The following OR2AT4 variants were observed in gnomAD, a reference collection of about 807,000 sequenced individuals.
The protein encoded by OR2AT4 is olfactory receptor 2AT4.
A neutral mutation model predicts 10.3 loss-of-function variants in OR2AT4; 6 were observed. The observed-to-expected ratio is 0.58, with a 90% CI of 0.32 to 1.15. OR2AT4 has a LOEUF of 1.15. Among genes scored for constraint, OR2AT4 ranks in the 50% most tolerant of loss-of-function variants. The probability of loss-of-function intolerance (pLI) is 0.05; values close to 1 mark genes in which losing one functional copy is unlikely to be tolerated. For missense variants in OR2AT4, 354 were observed against 393.8 expected, an observed-to-expected ratio of 0.90 and a Z score of 0.85; for synonymous variants, 145 against 159.1, an observed-to-expected ratio of 0.91 and a Z score of 0.67.
At chr11:75,095,963 CTTTATTATATAG>C (rs1799535851) in intron 1 of OR2AT4, 1 of 152,234 alleles carries the variant, frequency 6.6e-6, no homozygotes, top group South Asian at 2.1e-4. Context: ...CACCTAACCT[CTTTATTATATAG>C]ATGGGGACAG....
exon 2 of OR2AT4, chr11:75,088,480 T>C (rs1354136986): frequency 3.7e-6 from 1 of 269,498 alleles, no homozygotes; most frequent in African/African-American, 2.2e-5. Flanking sequence ...TATTTCAATC[T>C]TCTACATTCT....
At chr11:75,092,798 A>G (rs2140280341) in intron 1 of OR2AT4, among the ~76,000 whole-genome samples, 1 of 151,678 alleles carries the variant, frequency 6.6e-6, no homozygotes, top group African/African-American at 2.4e-5. Flanking sequence ...AATGAAAAAT[A>G]AGATTAAAAA....
exon 2 of OR2AT4, chr11:75,089,318 G>A: frequency 1.2e-6 from 2 of 1,614,218 alleles, no homozygotes; most frequent in Non-Finnish European, 8.5e-7. Flanking sequence ...GCAGTGGGTG[G>A]CAGATAGCCA....
chr11:75,091,112 TC>T (rs1398446768), intron 1 of OR2AT4, among the ~76,000 whole-genome samples: 1 of 152,172 alleles, frequency 6.6e-6, no homozygotes, highest in Non-Finnish European at 1.5e-5. Flanking sequence ...GAACTGAAAC[TC>T]AGCCCTAACC....
chr11:75,093,353 T>A (rs1469126295), intron 1 of OR2AT4, among the ~76,000 whole-genome samples: 1 of 152,232 alleles, frequency 6.6e-6, no homozygotes, highest in Non-Finnish European at 1.5e-5. Context: ...TAGCCCCAGA[T>A]AAGACAGTAC....
chr11:75,092,588 G>A (rs1340797164), intron 1 of OR2AT4, among the ~76,000 whole-genome samples: 4 of 152,098 alleles, frequency 2.6e-5, no homozygotes, highest in Non-Finnish European at 5.9e-5. Flanking sequence ...TACCCCCAAT[G>A]TAGCTATTGT....
exon 2 of OR2AT4, chr11:75,089,375 T>C (rs1427893099): frequency 8.1e-6 from 13 of 1,614,148 alleles, no homozygotes; most frequent in South Asian, 2.2e-5. Context: ...CTTCTGAACA[T>C]GTAAAACTTT....
chr11:75,083,982 A>G, exon 2 of OR2AT4: 2 of 152,864 alleles, frequency 1.3e-5, no homozygotes, highest in East Asian at 1.9e-4. Flanking sequence ...AAAAAAAAAA[A>G]AGAAAAAAAA....
At chr11:75,094,019 C>T (rs1289846907) in intron 1 of OR2AT4, among the ~76,000 whole-genome samples, 1 of 151,674 alleles carries the variant, frequency 6.6e-6, no homozygotes, top group African/African-American at 2.4e-5. Flanking sequence ...GACGGGGTTT[C>T]ACCATGTTGG....
chr11:75,095,229 G>C (rs773243868), intron 1 of OR2AT4, among the ~76,000 whole-genome samples: 2 of 152,206 alleles, frequency 1.3e-5, no homozygotes, highest in Non-Finnish European at 2.9e-5. Flanking sequence ...AGTCTTTGTA[G>C]GATGTTTCAT....
exon 2 of OR2AT4, chr11:75,085,120 A>C (rs2140278004): frequency 6.6e-6 from 1 of 152,192 alleles, no homozygotes; most frequent in African/African-American, 2.4e-5. Flanking sequence ...AAATTGGTAA[A>C]CCTATAGCTA....
exon 2 of OR2AT4, chr11:75,086,594 T>C (rs775039924): frequency 2.0e-5 from 3 of 152,128 alleles, no homozygotes; most frequent in Non-Finnish European, 2.9e-5. Context: ...GTCAACACAA[T>C]TAGTCATAGG....
At position 75,082,736 on chromosome 11, in the gene OR2AT4, A is replaced by G. The variant is rs549701299; in HGVS notation, c.*6015T>C. On this transcript the variant is annotated 3_prime_UTR_variant, in exon 2 of 2. Transcript: ENST00000641504. ...TAATTAAACTAAACAGTTTCTGCAC[A>G]GCGAAAGAAACTATCAAAAGAGTAA... 3 of 152,338 alleles carry G rather than the reference A, an allele frequency of 2.0e-5. No individual in the cohort carries two copies. In the East Asian group the frequency reaches 5.8e-4, roughly 29 times the overall value. The allele number at this position is 152,338 out of a possible 1,614,324, so 9.4% of individuals were successfully genotyped here.
At chr11:75,089,105 C>T in exon 2 of OR2AT4, 3 of 1,613,872 alleles carry the variant, frequency 1.9e-6, no homozygotes, top group Non-Finnish European at 2.5e-6. Flanking sequence ...TGCAGAAGCC[C>T]ATGAGGGTCT....
At chr11:75,089,392 G>A (rs139499548) in exon 2 of OR2AT4, 3 of 1,613,988 alleles carry the variant, frequency 1.9e-6, no homozygotes, top group Non-Finnish European at 2.5e-6. Context: ...CTTTGGAAGA[G>A]GTACATCTGC....
At chr11:75,082,382 A>G (rs570593791) in exon 2 of OR2AT4, 3 of 152,256 alleles carry the variant, frequency 2.0e-5, no homozygotes, top group African/African-American at 2.4e-5. Flanking sequence ...GCACACCAAC[A>G]TGGCACACGT....
chr11:75,089,669 G>T lies in OR2AT4; in HGVS notation c.45C>A (p.Val15=), dbSNP rs368573856. The T allele has an allele frequency of 5.8e-5, 93 of 1,613,668 alleles. 1 individual carries two copies. In the Middle Eastern group the frequency reaches 8.4e-4, roughly 15 times the overall value. Residue 15 remains valine (V), a synonymous_variant, in exon 2 of 2, where the codon GTC becomes GTA. Transcript: ENST00000641504. Reference sequence around the variant, plus strand: ...GAGAGGGGATGCCCAATAGATAGAAGACGGGTGAGCCATCCACTGATTCAT... The same window carrying T: ...GAGAGGGGATGCCCAATAGATAGAATACGGGTGAGCCATCCACTGATTCAT...
exon 2 of OR2AT4, chr11:75,089,086 C>T: frequency 6.2e-7 from 1 of 1,613,870 alleles, no homozygotes; most frequent in Admixed American, 1.7e-5. Flanking sequence ...AAGGACACCA[C>T]CATGGCGATG....
exon 2 of OR2AT4, chr11:75,082,676 A>T (rs1327985822): frequency 1.3e-5 from 2 of 152,202 alleles, no homozygotes; most frequent in African/African-American, 2.4e-5. Context: ...CCTGAAAAAC[A>T]ACTGCAACAA....
Sources: allele counts gnomAD v4.1 joint callset (sites outside exome capture counted in the v4.1 genomes callset), GRCh38; gene constraint gnomAD v4.1.1; transcripts MANE v1.5; gene names NCBI Gene and HGNC (gene_info 2026-07-23, HGNC 2026-07-21).